Variants in FAT4 observed in about 807,000 individuals in gnomAD.
FAT4 encodes the protein FAT atypical cadherin 4.
FAT4 carries 84 observed loss-of-function variants against 303.9 expected under a neutral mutation model. The observed-to-expected ratio is 0.28, with a 90% CI of 0.23 to 0.33. The LOEUF is 0.33. FAT4 is among the 10% of genes least tolerant of loss of function. FAT4 has a pLI of 1.00. For missense variants in FAT4, 6,005 were observed against 6,146.8 expected (o/e 0.98, Z 0.77); for synonymous variants, 2,307 against 2,298.8 (o/e 1.00, Z -0.10).
intron 14 of FAT4, among the ~76,000 whole-genome samples, chr4:125,479,052 G>C (rs1410854468): frequency 6.6e-6 from 1 of 152,116 alleles, no homozygotes; most frequent in African/African-American, 2.4e-5. Flanking sequence ...AAACATGGCA[G>C]TACGCTTTCA....
chr4:125,486,714 A>C (rs1578699825), intron 16 of FAT4, among the ~76,000 whole-genome samples: 1 of 152,330 alleles, frequency 6.6e-6, no homozygotes, highest in Non-Finnish European at 1.5e-5. Context: ...CCTTTAGATA[A>C]ATTGTAAAAG....
chr4:125,341,281 G>A (rs1731784083), intron 2 of FAT4, among the ~76,000 whole-genome samples: 1 of 152,120 alleles, frequency 6.6e-6, no homozygotes, highest in African/African-American at 2.4e-5. Context: ...ACTAAAATAA[G>A]GATCTTTTGC....
chr4:125,436,969 C>T (rs1725474776), intron 8 of FAT4, among the ~76,000 whole-genome samples: 1 of 152,116 alleles, frequency 6.6e-6, no homozygotes, highest in South Asian at 2.1e-4. Context: ...ATTCTCCTGC[C>T]TCAGCCTCCT....
Position 125,449,348 on chromosome 4 carries a change from A to C in FAT4, c.8338A>C (p.Ser2780Arg). The C allele has an allele frequency of 3.1e-6, 5 of 1,613,892 alleles. No individual in the cohort carries two copies. Among genetic ancestry groups the C allele is most frequent in the Non-Finnish European group, 4.2e-6 (5 of 1,179,882 alleles). Residue 2780 changes from serine (S) to arginine (R), a missense_variant, in exon 10 of 18, where the codon AGT (serine) becomes CGT (arginine). Ser to Arg is a moderately radical substitution (Grantham distance 110). Transcript: ENST00000394329. ...DNAPRFSQIF[S>R]AHVPENSPLG... ...TGCCCCTAGGTTTTCTCAGATATTT[A>C]GTGCCCATGTTCCTGAAAATTCCCC...
chr4:125,441,479 A>T (rs1294037827), intron 8 of FAT4, among the ~76,000 whole-genome samples: 1 of 152,174 alleles, frequency 6.6e-6, no homozygotes, highest in Non-Finnish European at 1.5e-5. Flanking sequence ...AAAATTCAAA[A>T]TTTCTTTCTG....
intron 5 of FAT4, among the ~76,000 whole-genome samples, chr4:125,412,761 G>A (rs1734894071): frequency 6.6e-6 from 1 of 151,858 alleles, no homozygotes; most frequent in South Asian, 2.1e-4. Context: ...CATGTAAAAT[G>A]TCAGTATTTT....
Position 125,451,196 on chromosome 4 carries a change from A to T in FAT4, c.10186A>T (p.Thr3396Ser), listed in dbSNP as rs745467287. Reference sequence around the variant, plus strand: ...TATAGATGAGGTCACTGTAAATGTCACCGTGCTTGATGCAAATGACCCACC... The same window carrying T: ...TATAGATGAGGTCACTGTAAATGTCTCCGTGCTTGATGCAAATGACCCACC... ...ADIDEVTVNVTVLDANDPPIF... is the reference protein window; with the variant it reads ...ADIDEVTVNVSVLDANDPPIF... The change falls in exon 10 of 18, where the codon ACC (threonine) becomes TCC (serine). Residue 3396 changes from threonine to serine, a missense_variant. Transcript: ENST00000394329. 1 of 1,614,080 alleles carries T rather than the reference A, an allele frequency of 6.2e-7. No homozygotes were observed. Among genetic ancestry groups the T allele is most frequent in the Non-Finnish European group, 8.5e-7 (1 of 1,180,016 alleles).
intron 8 of FAT4, among the ~76,000 whole-genome samples, chr4:125,443,777 G>A (rs1725738305): frequency 6.6e-6 from 1 of 152,048 alleles, no homozygotes; most frequent in Non-Finnish European, 1.5e-5. Context: ...AATTAATGCA[G>A]GCCAGAGAAG....
At position 125,452,008 on chromosome 4, in the gene FAT4, T is replaced by C. The variant is rs1726098750; in HGVS notation, c.10998T>C (p.Gly3666=). 3 of 1,614,144 alleles carry C rather than the reference T, an allele frequency of 1.9e-6. No homozygotes were observed. Among genetic ancestry groups the C allele is most frequent in the Non-Finnish European group, 2.5e-6 (3 of 1,180,016 alleles). The change falls in exon 10 of 18, where the codon GGT becomes GGC. Residue 3666 remains glycine (G), a synonymous_variant. Coordinates refer to ENST00000394329, the MANE Select transcript of FAT4 (RefSeq NM_001291303.3). ...CCAGCCTCTTCAGTATTCCAGGGGG[T>C]ACTTGTGATCTGAATTCCCAGCCAA... ...GVTSLFSIPG[G]TCDLNSQPRS... is the part of the protein sequence containing the mutation.
intron 3 of FAT4, among the ~76,000 whole-genome samples, chr4:125,403,129 A>G (rs1734450978): frequency 6.6e-6 from 1 of 152,104 alleles, no homozygotes; most frequent in African/African-American, 2.4e-5. Flanking sequence ...AATAACAACT[A>G]TCATTTTCCT....
intron 8 of FAT4, among the ~76,000 whole-genome samples, chr4:125,441,055 C>A (rs1162854291): frequency 6.6e-6 from 1 of 152,124 alleles, no homozygotes; most frequent in Non-Finnish European, 1.5e-5. Context: ...AGAATTAACT[C>A]ACTTCCACGC....
intron 2 of FAT4, among the ~76,000 whole-genome samples, chr4:125,364,761 C>T (rs1355959766): frequency 1.3e-5 from 2 of 151,808 alleles, no homozygotes; most frequent in Non-Finnish European, 2.9e-5. Context: ...AGAAGAGACC[C>T]TGGAAGGTCA....
intron 2 of FAT4, among the ~76,000 whole-genome samples, chr4:125,391,498 A>T (rs550201836): frequency 1.3e-5 from 2 of 152,190 alleles, no homozygotes; most frequent in African/African-American, 4.8e-5. Flanking sequence ...GAAGGGAACA[A>T]CACACACCAA....
chr4:125,397,639 T>C (rs13113598), intron 2 of FAT4, among the ~76,000 whole-genome samples: 1 of 152,146 alleles, frequency 6.6e-6, no homozygotes, highest in African/African-American at 2.4e-5. Flanking sequence ...TTATATATTG[T>C]TTTCTATTTT....
chr4:125,491,180 AC>A lies in FAT4; in HGVS notation c.14365del (p.Leu4789PhefsTer102). 6.2e-7 allele frequency: 1 copy of A among 1,614,124 alleles called. No homozygotes were observed. On this transcript the variant is annotated frameshift_variant, in exon 18 of 18. Coordinates refer to ENST00000394329, the MANE Select transcript of FAT4 (RefSeq NM_001291303.3). LOFTEE classifies it high-confidence loss of function. Reference protein sequence around the residue: ...IPLESSPPVGLSIEEVERLNT... With the variant: ...IPLESSPPVGXSIEEVERLNT... ...CACTGGAATCTTCTCCTCCAGTCGG[AC>A]TTTCTATTGAAGAAGTGGAGAGGCT... is the stretch of plus-strand genomic sequence containing the variant.
At position 125,316,236 on chromosome 4, in the gene FAT4, GAGTC is replaced by G. The variant is rs1392444492; in HGVS notation, c.-12-163_-12-160del. Among the ~76,000 whole-genome samples, 3 of 152,270 alleles carry G rather than the reference GAGTC, an allele frequency of 2.0e-5. No individual in the cohort carries two copies. The highest frequency in any genetic ancestry group is 7.2e-5 in the African/African-American group (3 of 41,566). Reference sequence around the variant, plus strand: ...CACTCCGCGTTCAACTGGCTACCTAGAGTCTTTTGCTGATGCTACTTGCTTTTGC... The same window carrying G: ...CACTCCGCGTTCAACTGGCTACCTAGTTTTGCTGATGCTACTTGCTTTTGC... On this transcript the variant is annotated intron_variant, in intron 1 of 17. Transcript: ENST00000394329. The surrounding 1 kb of genome is among the most constrained non-coding windows in gnomAD (Gnocchi z 5.7).
intron 2 of FAT4, chr4:125,362,676 G>A (rs1411198997): frequency 1.3e-5 from 2 of 152,154 alleles, no homozygotes; most frequent in Non-Finnish European, 2.9e-5. Flanking sequence ...AGAGGAAAAT[G>A]TATTGCACTA....
rs760528783 is a variant in FAT4 at position 125,320,909 on chromosome 4, G to A, written c.4498G>A (p.Asp1500Asn). ...NLFELTVKAN[D>N]QAVPIETRRY... ...CTTTGAGTTGACTGTAAAAGCCAAT[G>A]ATCAAGCTGTGCCAATAGAAACTAG... is the stretch of plus-strand genomic sequence containing the variant. Residue 1500 changes from aspartate (D) to asparagine (N), a missense_variant, in exon 2 of 18, where the codon GAT becomes AAT. Transcript: ENST00000394329. 6.5e-5 allele frequency: 105 copies of A among 1,614,068 alleles called. No individual in the cohort carries two copies. Among genetic ancestry groups the A allele is most frequent in the Non-Finnish European group, 8.9e-5 (105 of 1,180,028 alleles).
chr4:125,389,704 A>G lies in FAT4; in HGVS notation c.5176-9080A>G, dbSNP rs1034459467. 5.3e-5 allele frequency among the ~76,000 whole-genome samples: 8 copies of G among 152,240 alleles called. No homozygotes were observed. In the South Asian group the frequency reaches 1.7e-3, roughly 32 times the overall value. ...TTTCTCCCATTTTTTTCACATTGCA[A>G]TTTCAAACTTTCAGTAATACCATCA... On this transcript the variant is annotated intron_variant, in intron 2 of 17. Transcript: ENST00000394329.
Sources: allele counts gnomAD v4.1 joint callset (sites outside exome capture counted in the v4.1 genomes callset), GRCh38; gene constraint gnomAD v4.1.1; non-coding constraint Gnocchi (gnomAD v3.1); transcripts MANE v1.5; gene names NCBI Gene and HGNC (gene_info 2026-07-23, HGNC 2026-07-21).